CUX1: variants seen among roughly 807,000 people sequenced by gnomAD.
CUX1 encodes the protein protein CASP.
CUX1 carries 31 observed loss-of-function variants against 158.8 expected under a neutral mutation model. The ratio of observed to expected loss-of-function variants is 0.20; its 90% CI spans 0.15 to 0.26. The LOEUF (loss-of-function observed/expected upper bound fraction) is 0.26, where lower values mean the gene tolerates loss of function less well. CUX1 is among the 10% of genes least tolerant of loss of function. The pLI is 1.00. For synonymous variants in CUX1, 879 were observed against 862.1 expected (o/e 1.02, Z -0.34); for missense variants, 1,589 against 2,014.6 (o/e 0.79, Z 4.04).
chr7:102,163,808 C>A (rs970046597), intron 9 of CUX1, among the ~76,000 whole-genome samples: 1 of 152,114 alleles, frequency 6.6e-6, no homozygotes, highest in Non-Finnish European at 1.5e-5. Flanking sequence ...CATCAGGAAA[C>A]CCCCCAGGAG....
At chr7:101,886,573 C>T (rs1258185519) in intron 1 of CUX1, among the ~76,000 whole-genome samples, 3 of 152,188 alleles carry the variant, frequency 2.0e-5, no homozygotes, top group Non-Finnish European at 2.9e-5. Flanking sequence ...GCCACCAACA[C>T]GATACCCGTG....
Position 102,256,858 on chromosome 7 carries a change from G to C in CUX1, c.*7816G>C. 1.0e-6 allele frequency: 1 copy of C among 985,410 alleles called. No homozygotes were observed. The highest frequency in any genetic ancestry group is 1.2e-6 in the Non-Finnish European group (1 of 829,944). 61.0% of individuals were successfully genotyped at this position (985,410 alleles called of 1,614,324 possible). On this transcript the variant is annotated 3_prime_UTR_variant, in exon 24 of 24. Coordinates refer to ENST00000292535, the MANE Select transcript of CUX1 (RefSeq NM_181552.4). ...AGGCCCGCATGGGTTGATACGTTTT[G>C]GTTGGTTTTTTGTTGTTGTTTTTCT...
intron 20 of CUX1, among the ~76,000 whole-genome samples, chr7:102,208,390 T>G (rs1165147306): frequency 6.6e-6 from 1 of 152,126 alleles, no homozygotes; most frequent in Non-Finnish European, 1.5e-5. Flanking sequence ...ACTACAGGCA[T>G]GCGCCAGCAC....
At chr7:101,898,635 G>C (rs1394242519) in intron 1 of CUX1, among the ~76,000 whole-genome samples, 2 of 148,882 alleles carry the variant, frequency 1.3e-5, no homozygotes, top group African/African-American at 2.5e-5. Context: ...CTGTGGCCTG[G>C]GCTGGAGTGC....
intron 6 of CUX1, 139 bp downstream of exon 6, chr7:102,104,598 A>C (rs996025965): frequency 2.1e-5 from 25 of 1,206,970 alleles, no homozygotes; most frequent in Non-Finnish European, 2.8e-5. Context: ...AATGTTTCAA[A>C]AATGATATTC....
Position 102,057,855 on chromosome 7 carries a change from T to C in CUX1, c.190-12484T>C, listed in dbSNP as rs186164345. ...AAAGCAGTGACTGGGTTTGAGAGGA[T>C]TGACTCCTATTTTTTAAGAAGTTCT... On this transcript the variant is annotated intron_variant, in intron 3 of 23. Transcript: ENST00000292535. Among the ~76,000 whole-genome samples the C allele has an allele frequency of 1.1e-4, 17 of 152,324 alleles. No homozygotes were observed. In the East Asian group the frequency reaches 3.3e-3, roughly 29 times the overall value.
intron 2 of CUX1, among the ~76,000 whole-genome samples, chr7:102,012,534 A>G (rs1436884270): frequency 6.6e-6 from 1 of 152,118 alleles, no homozygotes; most frequent in Non-Finnish European, 1.5e-5. Context: ...TACTTGTCAC[A>G]TGGGGGAATA....
At chr7:101,837,187 T>C (rs1024481798) in intron 1 of CUX1, among the ~76,000 whole-genome samples, 1 of 152,190 alleles carries the variant, frequency 6.6e-6, no homozygotes, top group Non-Finnish European at 1.5e-5. Flanking sequence ...GGAGGACATA[T>C]GTCCTCTAAG....
chr7:102,248,735 G>C lies in CUX1; in HGVS notation c.4211G>C (p.Ser1404Thr). ...GTGGAAGGCCCGGGGCCCCTGCCCA[G>C]CCCCGCCTCCGCGACCGCCACCGCC... ...GPVEGPGPLP[S>T]PASATATAAP... The change falls in exon 24 of 24, where the codon AGC (serine) becomes ACC (threonine). Residue 1404 changes from serine (S) to threonine (T), a missense_variant. Physicochemically the swap from Ser to Thr is moderately conservative, Grantham distance 58. Around this residue, in one of 8 missense-constraint regions of CUX1, gnomAD observed 344 missense variants for 323.7 expected, o/e 1.06. Transcript: ENST00000292535. The surrounding 1 kb of genome is among the most constrained non-coding windows in gnomAD (Gnocchi z 5.8). 1 of 1,102,644 alleles carries C rather than the reference G, an allele frequency of 9.1e-7. No individual in the cohort carries two copies. The highest frequency in any genetic ancestry group is 1.1e-6 in the Non-Finnish European group (1 of 904,304). 68.3% of individuals were successfully genotyped at this position (1,102,644 alleles called of 1,614,324 possible).
At chr7:102,199,986 TA>T in intron 16 of CUX1, 84 bp from the exon 17 acceptor site, 1 of 1,155,418 alleles carries the variant, frequency 8.7e-7, no homozygotes, top group Non-Finnish European at 1.2e-6. Flanking sequence ...CACCCGGGGC[TA>T]TATATCAGAA....
At chr7:102,233,209 G>A (rs1452751210) in intron 21 of CUX1, among the ~76,000 whole-genome samples, 2 of 144,514 alleles carry the variant, frequency 1.4e-5, no homozygotes, top group East Asian at 2.0e-4. Flanking sequence ...TTGAGACAAC[G>A]GTCTCTCTCT....
At chr7:102,061,570 C>G (rs1824881592) in intron 3 of CUX1, among the ~76,000 whole-genome samples, 2 of 152,190 alleles carry the variant, frequency 1.3e-5, no homozygotes, top group Non-Finnish European at 2.9e-5. Flanking sequence ...GAGGTTAATT[C>G]AATGGTTCAG....
chr7:102,169,744 G>A (rs1028344378), intron 9 of CUX1, among the ~76,000 whole-genome samples: 1 of 152,170 alleles, frequency 6.6e-6, no homozygotes, highest in Non-Finnish European at 1.5e-5. Flanking sequence ...CTCTGGGGGT[G>A]GTTGTTTCCT....
At chr7:101,922,494 G>A (rs185266535) in intron 2 of CUX1, among the ~76,000 whole-genome samples, 5 of 152,286 alleles carry the variant, frequency 3.3e-5, no homozygotes, top group East Asian at 1.9e-4. Flanking sequence ...GGAAATGCAC[G>A]TTTGCAGTTT....
chr7:101,867,197 A>G (rs1207812307), intron 1 of CUX1, among the ~76,000 whole-genome samples: 2 of 152,244 alleles, frequency 1.3e-5, no homozygotes, highest in South Asian at 2.1e-4. Context: ...AGCCTGGGAG[A>G]CAGAGCAAGA....
At chr7:102,211,354 G>A (rs1554523084) in intron 20 of CUX1, among the ~76,000 whole-genome samples, 1 of 152,128 alleles carries the variant, frequency 6.6e-6, no homozygotes. Context: ...GCTGAGGCAA[G>A]AGTATCACTT....
intron 20 of CUX1, among the ~76,000 whole-genome samples, chr7:102,223,867 G>A (rs576819661): frequency 6.6e-6 from 1 of 152,246 alleles, no homozygotes; most frequent in South Asian, 2.1e-4. Flanking sequence ...TACTCGGGAG[G>A]CAGAGGCAGG....
rs1283854680 is a variant in CUX1 at position 102,253,906 on chromosome 7, T to C, written c.*4864T>C. ...GTCCCTCCCCAGATGTCCTCCCTCTTCTTCACACTCCTCATTGTCCCTTCT... is the reference window on the plus strand; with the variant it reads ...GTCCCTCCCCAGATGTCCTCCCTCTCCTTCACACTCCTCATTGTCCCTTCT... On this transcript the variant is annotated 3_prime_UTR_variant, in exon 24 of 24. Transcript: ENST00000292535. 2.0e-6 allele frequency: 2 copies of C among 985,538 alleles called. No homozygotes were observed. Among genetic ancestry groups the C allele is most frequent in the African/African-American group, 3.5e-5 (2 of 57,218 alleles). The allele number at this position is 985,538 out of a possible 1,614,324, so 61.0% of individuals were successfully genotyped here. A position where few individuals can be genotyped will look rare whatever the true frequency, so the allele number is the denominator to read the frequency against.
At chr7:102,095,142 G>T (rs562865912) in intron 4 of CUX1, among the ~76,000 whole-genome samples, 114 of 152,000 alleles carry the variant, frequency 7.5e-4, no homozygotes, top group Non-Finnish European at 1.3e-3. Flanking sequence ...TGGGACTACA[G>T]GGGTATGCCA....
Sources: allele counts gnomAD v4.1 joint callset (sites outside exome capture counted in the v4.1 genomes callset), GRCh38; gene constraint gnomAD v4.1.1; regional missense constraint gnomAD v4.1.1; non-coding constraint Gnocchi (gnomAD v3.1); transcripts MANE v1.5; gene names NCBI Gene and HGNC (gene_info 2026-07-23, HGNC 2026-07-21).